The following NIPBL variants were observed in gnomAD, a reference collection of about 807,000 sequenced individuals.
NIPBL encodes NIPBL cohesin loading factor.
In NIPBL, 19 loss-of-function variants were observed where a neutral mutation model predicts 321.8. The ratio of observed to expected loss-of-function variants is 0.06; its 90% confidence interval spans 0.04 to 0.09. NIPBL has a LOEUF of 0.09. NIPBL is among the 10% of genes least tolerant of loss of function. The probability of loss-of-function intolerance (pLI) is 1.00; values close to 1 mark genes in which losing one functional copy is unlikely to be tolerated. For missense variants in NIPBL, 2,210 were observed against 3,327.0 expected, an observed-to-expected ratio of 0.66 and a Z score of 8.26; for synonymous variants, 1,106 against 1,114.1, an observed-to-expected ratio of 0.99 and a Z score of 0.14.
At chr5:36,918,297 G>C (rs935078784) in intron 1 of NIPBL, among the ~76,000 whole-genome samples, 1 of 152,112 alleles carries the variant, frequency 6.6e-6, no homozygotes, top group Non-Finnish European at 1.5e-5. Flanking sequence ...CTGTGAGTGG[G>C]AGTTCACTCA....
chr5:36,998,688 T>C (rs1291980909), intron 11 of NIPBL, among the ~76,000 whole-genome samples: 1 of 152,116 alleles, frequency 6.6e-6, no homozygotes, highest in Non-Finnish European at 1.5e-5. Flanking sequence ...AGTTTGCTTA[T>C]TAGTTGTCAT....
At chr5:36,997,765 A>G (rs1746306074) in intron 11 of NIPBL, among the ~76,000 whole-genome samples, 1 of 152,182 alleles carries the variant, frequency 6.6e-6, no homozygotes, top group African/African-American at 2.4e-5. Context: ...ATGATTGTTC[A>G]CATAAACAAC....
intron 25 of NIPBL, 101 bp from the exon 26 acceptor site, chr5:37,020,358 T>C (rs975418423): frequency 3.6e-6 from 3 of 831,488 alleles, no homozygotes; most frequent in East Asian, 2.6e-5. Flanking sequence ...TAAAGTAAAC[T>C]TTAATATTTG....
At chr5:37,011,495 C>T (rs1391198250) in intron 21 of NIPBL, among the ~76,000 whole-genome samples, 1 of 152,088 alleles carries the variant, frequency 6.6e-6, no homozygotes, top group Non-Finnish European at 1.5e-5. Flanking sequence ...GATCGAGACT[C>T]AGTGAGCCGA....
chr5:37,029,999 T>C (rs1362774869), intron 32 of NIPBL, among the ~76,000 whole-genome samples: 1 of 152,220 alleles, frequency 6.6e-6, no homozygotes, highest in African/African-American at 2.4e-5. Flanking sequence ...TAAAAGGCTC[T>C]AAATCATATA....
Position 37,008,645 on chromosome 5 carries a change from A to T in NIPBL, c.4343A>T (p.His1448Leu). The T allele has an allele frequency of 6.3e-7, 1 of 1,575,480 alleles. No homozygotes were observed. Among genetic ancestry groups the T allele is most frequent in the Non-Finnish European group, 8.7e-7 (1 of 1,144,980 alleles). The change falls in exon 20 of 47, where the codon CAT (histidine) becomes CTT (leucine). Residue 1448 changes from histidine to leucine, a missense_variant. Coordinates refer to ENST00000282516, the MANE Select transcript of NIPBL (RefSeq NM_133433.4). Reference protein sequence around the residue: ...VTAVFSRYEKHRQLILEEIFT... With the variant: ...VTAVFSRYEKLRQLILEEIFT... ...CAGGTATTCTCAAGATATGAAAAAC[A>T]TAGGCAGTTAATTTTGGAAGAAATT... is the stretch of plus-strand genomic sequence containing the variant.
chr5:37,048,367 G>A (rs780470889), intron 38 of NIPBL, 135 bp from the exon 39 acceptor site: 42 of 420,504 alleles, frequency 1.0e-4, no homozygotes, highest in Non-Finnish European at 1.6e-4. Flanking sequence ...AAGGCCACCA[G>A]CATATTCTTC....
Position 37,015,628 on chromosome 5 carries a change from G to T in NIPBL, c.4644-410G>T, listed in dbSNP as rs552272613. On this transcript the variant is annotated intron_variant, in intron 22 of 46. Coordinates refer to ENST00000282516, the MANE Select transcript of NIPBL (RefSeq NM_133433.4). ...GCCTGTAGTCCCAGCTACTTGAGAGGCTGAGGCAGGAGAATCGCTGGAACC... is the reference window on the plus strand; with the variant it reads ...GCCTGTAGTCCCAGCTACTTGAGAGTCTGAGGCAGGAGAATCGCTGGAACC... Among the ~76,000 whole-genome samples the T allele has an allele frequency of 7.9e-5, 12 of 152,236 alleles. No individual in the cohort carries two copies. In the South Asian group the frequency reaches 2.3e-3, roughly 29 times the overall value.
Position 36,984,912 on chromosome 5 carries a change from G to C in NIPBL, c.1732G>C (p.Val578Leu). 3 of 1,613,866 alleles carry C rather than the reference G, an allele frequency of 1.9e-6. No homozygotes were observed. The South Asian group carries it at 3.3e-5, about 18-fold the overall frequency. ...EEIKQCNDAP[V>L]SVLQEDIVGS... is the part of the protein sequence containing the mutation. Reference sequence around the variant, plus strand: ...AATCAAACAATGTAATGATGCACCTGTTTCTGTTCTTCAGGAAGATATTGT... The same window carrying C: ...AATCAAACAATGTAATGATGCACCTCTTTCTGTTCTTCAGGAAGATATTGT... The change falls in exon 10 of 47, where the codon GTT becomes CTT. Residue 578 changes from valine (V) to leucine (L), a missense_variant. Val to Leu is a conservative substitution (Grantham distance 32, BLOSUM62 1). This residue lies in a region of NIPBL where 588 missense variants were observed against 564.1 expected (regional missense o/e 1.04). Transcript: ENST00000282516.
chr5:36,882,590 G>T (rs1307760228), intron 1 of NIPBL, among the ~76,000 whole-genome samples: 1 of 151,942 alleles, frequency 6.6e-6, no homozygotes, highest in African/African-American at 2.4e-5. Context: ...TAGTGATACT[G>T]TTCTCTTTTT....
rs566785054 is a variant in NIPBL at position 36,892,331 on chromosome 5, T to C, written c.-80+15153T>C. Among the ~76,000 whole-genome samples, 516 of 152,118 alleles carry C rather than the reference T, an allele frequency of 3.4e-3. 9 individuals are homozygous for C. The highest frequency in any genetic ancestry group is 0.025 in the Admixed American group (379 of 15,190). On this transcript the variant is annotated intron_variant, in intron 1 of 46. Coordinates refer to ENST00000282516, the MANE Select transcript of NIPBL (RefSeq NM_133433.4). ...GTGGAGAAATAGGAACACTTTTACA[T>C]TGTTGTTGGGACTGTAAACTAGTTC...
intron 32 of NIPBL, among the ~76,000 whole-genome samples, chr5:37,031,047 G>A (rs1038476052): frequency 1.3e-5 from 2 of 150,574 alleles, no homozygotes; most frequent in African/African-American, 2.4e-5. Flanking sequence ...GCAGTGGCAC[G>A]ATCTCCGCTC....
chr5:36,979,391 G>A (rs558258567), intron 9 of NIPBL, among the ~76,000 whole-genome samples: 7 of 151,780 alleles, frequency 4.6e-5, no homozygotes, highest in African/African-American at 7.2e-5. Context: ...TTCTCAGCTC[G>A]AACGTTATTG....
At chr5:36,984,641 T>G in intron 9 of NIPBL, 35 bp from the exon 10 acceptor site, 1 of 1,551,920 alleles carries the variant, frequency 6.4e-7, no homozygotes, top group African/African-American at 1.4e-5. Context: ...AATACATGTC[T>G]ATTACTGATA....
At chr5:36,952,053 T>TGTGTGCGCGCGCGC (rs778597604) in intron 1 of NIPBL, among the ~76,000 whole-genome samples, 9 of 112,114 alleles carry the variant, frequency 8.0e-5, no homozygotes, top group East Asian at 3.5e-4. Context: ...TGTGTGTGTG[T>TGTGTGCGCGCGCGC]GCGCGCGCGC....
At chr5:36,956,343 A>G (rs1740944099) in intron 3 of NIPBL, among the ~76,000 whole-genome samples, 1 of 152,158 alleles carries the variant, frequency 6.6e-6, no homozygotes, top group Admixed American at 6.5e-5. Flanking sequence ...CCACCACACA[A>G]TGTTACTCAT....
rs745769829 is a variant in NIPBL, at chr5:37,022,395, G to T, written c.5574+5G>T. Reference sequence around the variant, plus strand: ...ATGCTGATTGAAAGAATATTGGTATGTTTGTCATTTTTATAATGATTCGTG... The same window carrying T: ...ATGCTGATTGAAAGAATATTGGTATTTTTGTCATTTTTATAATGATTCGTG... On this transcript the variant is annotated splice_donor_5th_base_variant and intron_variant, in intron 29 of 46. Coordinates refer to ENST00000282516, the MANE Select transcript of NIPBL (RefSeq NM_133433.4). 27 of 1,594,392 alleles carry T rather than the reference G, an allele frequency of 1.7e-5. No homozygotes were observed. In the African/African-American group the frequency reaches 3.1e-4, roughly 18 times the overall value.
At chr5:36,897,127 C>T (rs772136409) in intron 1 of NIPBL, among the ~76,000 whole-genome samples, 2 of 151,952 alleles carry the variant, frequency 1.3e-5, no homozygotes. Flanking sequence ...CTCAGCCTCC[C>T]GAGTAGCTGG....
At chr5:36,884,180 A>G (rs1351273441) in intron 1 of NIPBL, among the ~76,000 whole-genome samples, 1 of 151,888 alleles carries the variant, frequency 6.6e-6, no homozygotes, top group Non-Finnish European at 1.5e-5. Context: ...TCCTTTCACT[A>G]TCAATGTCCA....
Sources: gnomAD v4.1 joint callset for allele counts (sites outside exome capture counted in the v4.1 genomes callset) on GRCh38, gnomAD v4.1.1 for gene constraint, gnomAD v4.1.1 regional missense constraint, MANE v1.5 for transcripts, NCBI Gene and HGNC (gene_info 2026-07-23, HGNC 2026-07-21) for gene names.